Variants in AP3S1 observed in about 807,000 individuals in gnomAD.
AP3S1 encodes AP-3 complex subunit sigma-1.
AP3S1 carries 12 observed loss-of-function variants against 21.3 expected under a neutral mutation model. The observed-to-expected ratio is 0.56, with a 90% confidence interval of 0.36 to 0.91. The LOEUF (loss-of-function observed/expected upper bound fraction) is 0.91. AP3S1 is among the 40% of genes least tolerant of loss of function. The probability of loss-of-function intolerance (pLI) is 0.01; values close to 1 mark genes in which losing one functional copy is unlikely to be tolerated. For synonymous variants in AP3S1, 48 were observed against 78.4 expected, an observed-to-expected ratio of 0.61 and a Z score of 2.05; for missense variants, 116 against 225.0, an observed-to-expected ratio of 0.52 and a Z score of 3.10.
intron 3 of AP3S1, among the ~76,000 whole-genome samples, chr5:115,881,282 T>C (rs905215361): frequency 1.3e-5 from 2 of 152,222 alleles, no homozygotes; most frequent in African/African-American, 4.8e-5. Context: ...TGGTGCAGTT[T>C]CTTCATAGTG....
rs376238565 is a variant in AP3S1 at position 115,856,017 on chromosome 5, A to G, written c.70-10653A>G. 2.5e-3 allele frequency among the ~76,000 whole-genome samples: 380 copies of G among 152,222 alleles called. 3 individuals carry two copies. The highest frequency in any genetic ancestry group is 8.6e-3 in the African/African-American group (359 of 41,534). ...TTAAAGTTTATTTTTGTTTTTCATT[A>G]CTACATTAAGAAATATTAAAATAAT... On this transcript the variant is annotated intron_variant, in intron 1 of 5. Transcript: ENST00000316788.
At chr5:115,909,705 A>C (rs1751940960) in intron 5 of AP3S1, among the ~76,000 whole-genome samples, 1 of 152,136 alleles carries the variant, frequency 6.6e-6, no homozygotes, top group African/African-American at 2.4e-5. Flanking sequence ...TATAATCTTA[A>C]ATCTTTAAGA....
chr5:115,874,002 A>C (rs367960654), intron 3 of AP3S1, among the ~76,000 whole-genome samples: 210 of 152,224 alleles, frequency 1.4e-3, no homozygotes, highest in African/African-American at 4.7e-3. Flanking sequence ...TGTTGTCCCA[A>C]ATATGACTTT....
chr5:115,905,494 G>A (rs956524317), intron 5 of AP3S1, among the ~76,000 whole-genome samples: 12 of 152,052 alleles, frequency 7.9e-5, no homozygotes, highest in Admixed American at 2.6e-4. Flanking sequence ...TCTGATTGGG[G>A]ATAAACTACA....
chr5:115,914,016 G>A lies in AP3S1; in HGVS notation c.*526G>A, dbSNP rs1752320466. ...TTCTGTTTGCCTGATATCTACTTTA[G>A]CAATAATTTTTTTTACAACCCTCTG... On this transcript the variant is annotated 3_prime_UTR_variant, in exon 6 of 6. Transcript: ENST00000316788. 7.5e-5 allele frequency: 1 copy of A among 13,334 alleles called. No individual in the cohort carries two copies. The highest frequency in any genetic ancestry group is 3.7e-4 in the African/African-American group (1 of 2,692). 0.8% of individuals were successfully genotyped at this position (13,334 alleles called of 1,614,324 possible).
In AP3S1 at chr5:115,913,625, A is replaced by G. The variant is rs1290667645; in HGVS notation, c.*135A>G. 7.3e-7 allele frequency: 1 copy of G among 1,370,138 alleles called. No homozygotes were observed. The highest frequency in any genetic ancestry group is 1.5e-5 in the African/African-American group (1 of 68,366). 84.9% of individuals were successfully genotyped at this position (1,370,138 alleles called of 1,614,324 possible). A position where few individuals can be genotyped will look rare whatever the true frequency, so the allele number is the denominator to read the frequency against. On this transcript the variant is annotated 3_prime_UTR_variant, in exon 6 of 6. Coordinates refer to ENST00000316788, the MANE Select transcript of AP3S1 (RefSeq NM_001284.4). Reference sequence around the variant, plus strand: ...GATTTAAGTCAAGGTACTGTATAGAAGTTGTGTAAAATCAGTATGAAAGTT... The same window carrying G: ...GATTTAAGTCAAGGTACTGTATAGAGGTTGTGTAAAATCAGTATGAAAGTT...
chr5:115,870,411 A>G (rs1024602168), intron 3 of AP3S1, among the ~76,000 whole-genome samples: 5 of 152,184 alleles, frequency 3.3e-5, no homozygotes, highest in African/African-American at 9.7e-5. Context: ...ATCCAAAACT[A>G]ACCCTAAACC....
chr5:115,856,961 C>T (rs1352117054), intron 1 of AP3S1, among the ~76,000 whole-genome samples: 4 of 152,256 alleles, frequency 2.6e-5, no homozygotes, highest in African/African-American at 7.2e-5. Flanking sequence ...TTGCTTTCCC[C>T]GTTCCTCCTT....
At chr5:115,905,471 A>G (rs909279638) in intron 5 of AP3S1, among the ~76,000 whole-genome samples, 5 of 152,210 alleles carry the variant, frequency 3.3e-5, no homozygotes, top group African/African-American at 9.7e-5. Context: ...TTTACAAGAA[A>G]GTATGTTTTA....
chr5:115,843,199 A>G (rs1211942568), intron 1 of AP3S1, among the ~76,000 whole-genome samples: 1 of 152,252 alleles, frequency 6.6e-6, no homozygotes, highest in Non-Finnish European at 1.5e-5. Context: ...CACTTTGCTT[A>G]TAGCAAGAAA....
intron 1 of AP3S1, among the ~76,000 whole-genome samples, chr5:115,845,298 T>G (rs1294759369): frequency 6.6e-6 from 1 of 152,220 alleles, no homozygotes; most frequent in African/African-American, 2.4e-5. Context: ...TAAAAAATGT[T>G]TAACCATTTG....
intron 1 of AP3S1, among the ~76,000 whole-genome samples, chr5:115,846,389 G>A (rs918516078): frequency 6.6e-6 from 1 of 152,274 alleles, no homozygotes; most frequent in East Asian, 1.9e-4. Flanking sequence ...AAAATACTGT[G>A]TGTATGTATG....
intron 1 of AP3S1, among the ~76,000 whole-genome samples, chr5:115,850,188 T>G (rs1301018080): frequency 6.6e-6 from 1 of 152,148 alleles, no homozygotes; most frequent in Non-Finnish European, 1.5e-5. Flanking sequence ...TCTTTGTTAC[T>G]CAGGAGGAAA....
At chr5:115,913,051 A>G (rs1436559477) in intron 5 of AP3S1, among the ~76,000 whole-genome samples, 1 of 152,186 alleles carries the variant, frequency 6.6e-6, no homozygotes, top group Non-Finnish European at 1.5e-5. Context: ...GCTATCTGTC[A>G]GTTAAATCAA....
At chr5:115,900,086 A>G (rs1490991362) in intron 4 of AP3S1, among the ~76,000 whole-genome samples, 3 of 152,190 alleles carry the variant, frequency 2.0e-5, no homozygotes, top group Non-Finnish European at 2.9e-5. Context: ...TTAAAGGTAG[A>G]AATAATATTC....
intron 5 of AP3S1, chr5:115,904,088 A>AG (rs1751446974): frequency 6.6e-6 from 1 of 152,180 alleles, no homozygotes; most frequent in East Asian, 1.9e-4. Flanking sequence ...AAAAAAAAAA[A>AG]GAAAGATCAA....
At chr5:115,895,763 A>G (rs771396675) in intron 4 of AP3S1, among the ~76,000 whole-genome samples, 1 of 152,232 alleles carries the variant, frequency 6.6e-6, no homozygotes, top group Non-Finnish European at 1.5e-5. Flanking sequence ...AATTAAACAC[A>G]TGGAAATCAA....
intron 1 of AP3S1, among the ~76,000 whole-genome samples, chr5:115,849,260 A>T (rs1762271783): frequency 6.6e-6 from 1 of 152,240 alleles, no homozygotes. Flanking sequence ...AGTATAAGGG[A>T]ATAAAGCTTG....
intron 3 of AP3S1, among the ~76,000 whole-genome samples, chr5:115,892,195 C>T (rs921499180): frequency 1.3e-5 from 2 of 152,140 alleles, no homozygotes; most frequent in African/African-American, 4.8e-5. Context: ...GAAAAGGGAA[C>T]CCTTGTACAC....
Sources: gnomAD v4.1 joint callset for allele counts (sites outside exome capture counted in the v4.1 genomes callset) on GRCh38, gnomAD v4.1.1 for gene constraint, MANE v1.5 for transcripts, NCBI Gene and HGNC (gene_info 2026-07-23, HGNC 2026-07-21) for gene names.